Variants in VRTN observed in about 807,000 individuals in gnomAD.
VRTN encodes vertnin.
In VRTN, 5 loss-of-function variants were observed where a neutral mutation model predicts 18.2. The ratio of observed to expected loss-of-function variants is 0.27; its 90% CI spans 0.14 to 0.58. VRTN has a LOEUF of 0.58. VRTN is among the 20% of genes least tolerant of loss of function. The pLI is 0.91. For missense variants in VRTN, 741 were observed against 939.4 expected, an observed-to-expected ratio of 0.79 and a Z score of 2.76; for synonymous variants, 381 against 393.7, an observed-to-expected ratio of 0.97 and a Z score of 0.38.
chr14:74,307,514 C>T (rs1035394677), intron 1 of VRTN, among the ~76,000 whole-genome samples: 4 of 151,950 alleles, frequency 2.6e-5, no homozygotes, highest in Non-Finnish European at 4.4e-5. Context: ...AATTTCAATT[C>T]AGCTTTCACA....
In VRTN at chr14:74,357,365, C is replaced by G; in HGVS notation, c.582C>G (p.Arg194=). ...QRNIYSIYPM[R]NLKIRPYFNR... Reference sequence around the variant, plus strand: ...ACATCTACTCCATCTACCCCATGCGCAACCTCAAGATCCGGCCCTACTTCA... The same window carrying G: ...ACATCTACTCCATCTACCCCATGCGGAACCTCAAGATCCGGCCCTACTTCA... Residue 194 remains arginine, a synonymous_variant, in exon 2 of 2, where the codon CGC becomes CGG. Transcript: ENST00000256362. The surrounding 1 kb of genome is among the most constrained non-coding windows in gnomAD (Gnocchi z 7.8). 6.2e-7 allele frequency: 1 copy of G among 1,614,060 alleles called. No homozygotes were observed. Among genetic ancestry groups the G allele is most frequent in the Non-Finnish European group, 8.5e-7 (1 of 1,180,038 alleles).
intron 1 of VRTN, among the ~76,000 whole-genome samples, chr14:74,330,228 G>A (rs996510042): frequency 6.6e-6 from 1 of 151,936 alleles, no homozygotes; most frequent in Non-Finnish European, 1.5e-5. Context: ...GCCAAGTTGG[G>A]AAACACTTTT....
At chr14:74,354,256 A>G (rs2085707745) in intron 1 of VRTN, among the ~76,000 whole-genome samples, 1 of 152,178 alleles carries the variant, frequency 6.6e-6, no homozygotes, top group African/African-American at 2.4e-5. Flanking sequence ...ATATAGATGG[A>G]AAAAGGAGGA....
rs369068737 is a variant in VRTN at position 74,329,419 on chromosome 14, TTTTG to T, written c.-163-8284_-163-8281del. On this transcript the variant is annotated intron_variant, in intron 1 of 2. Coordinates refer to the VRTN transcript ENST00000557177. ...GCGTGCCACCACGAATAGCTAGTGG[TTTTG>T]TTTGTTTGTTTGTTTGTTTTTGTAG... 5.0e-3 allele frequency among the ~76,000 whole-genome samples: 751 copies of T among 151,324 alleles called. 3 individuals are homozygous for T. The highest frequency in any genetic ancestry group is 0.017 in the African/African-American group (693 of 41,246).
chr14:74,339,958 T>TG (rs2085589899), intron 2 of VRTN, among the ~76,000 whole-genome samples: 1 of 152,128 alleles, frequency 6.6e-6, no homozygotes, highest in Non-Finnish European at 1.5e-5. Flanking sequence ...TTTTTTGAGA[T>TG]GGAGTCTCAC....
upstream of VRTN, among the ~76,000 whole-genome samples, chr14:74,344,112 A>G (rs987107656): frequency 2.6e-5 from 4 of 151,190 alleles, 1 homozygote; most frequent in South Asian, 8.4e-4. Flanking sequence ...TTTAACTTTA[A>G]AAAATGTGTT....
chr14:74,335,392 G>A (rs2085557033), intron 1 of VRTN, among the ~76,000 whole-genome samples: 2 of 152,302 alleles, frequency 1.3e-5, no homozygotes, highest in Admixed American at 6.5e-5. Flanking sequence ...TAGGTCTAGA[G>A]GTGTCAACGT....
At chr14:74,322,600 C>T (rs2085463389) in intron 1 of VRTN, among the ~76,000 whole-genome samples, 1 of 152,170 alleles carries the variant, frequency 6.6e-6, no homozygotes, top group Non-Finnish European at 1.5e-5. Flanking sequence ...TGACTGCTCC[C>T]ACCCTGTCCC....
At chr14:74,319,322 G>A (rs368045025) in intron 1 of VRTN, among the ~76,000 whole-genome samples, 15 of 152,238 alleles carry the variant, frequency 9.9e-5, no homozygotes, top group African/African-American at 2.9e-4. Context: ...GCATGAGCCC[G>A]GCCCGCGCCT....
intron 1 of VRTN, among the ~76,000 whole-genome samples, chr14:74,334,878 T>G (rs553193637): frequency 6.6e-6 from 1 of 152,122 alleles, no homozygotes; most frequent in South Asian, 2.1e-4. Flanking sequence ...TGGCAGTAGA[T>G]AAGAGTAGCA....
intron 1 of VRTN, among the ~76,000 whole-genome samples, chr14:74,332,457 C>T (rs1038426008): frequency 1.4e-5 from 2 of 146,808 alleles, no homozygotes; most frequent in Non-Finnish European, 3.0e-5. Flanking sequence ...CGGGTTCAAG[C>T]GATTCTCCTG....
chr14:74,303,572 A>T (rs533441556), intron 1 of VRTN, among the ~76,000 whole-genome samples: 1 of 152,254 alleles, frequency 6.6e-6, no homozygotes, highest in Non-Finnish European at 1.5e-5. Context: ...AATAGATGAT[A>T]ATGATCGATA....
At chr14:74,332,192 C>T (rs946961470) in intron 1 of VRTN, among the ~76,000 whole-genome samples, 7 of 152,020 alleles carry the variant, frequency 4.6e-5, no homozygotes, top group South Asian at 2.1e-4. Context: ...AGGACCCCTC[C>T]CAAACCTACT....
intron 1 of VRTN, among the ~76,000 whole-genome samples, chr14:74,314,334 T>C (rs943532230): frequency 5.3e-5 from 8 of 151,790 alleles, no homozygotes; most frequent in Non-Finnish European, 8.8e-5. Context: ...AATTGTGTAA[T>C]TGTATGTGAC....
intron 2 of VRTN, among the ~76,000 whole-genome samples, chr14:74,342,980 A>G (rs2085618147): frequency 6.6e-6 from 1 of 152,166 alleles, no homozygotes; most frequent in Non-Finnish European, 1.5e-5. Context: ...AATTAAAACT[A>G]TACTGAGAAA....
chr14:74,358,967 C>G lies in VRTN; in HGVS notation c.*75C>G. 6.6e-7 allele frequency: 1 copy of G among 1,508,486 alleles called. No homozygotes were observed. The highest frequency in any genetic ancestry group is 8.9e-7 in the Non-Finnish European group (1 of 1,128,246). 93.4% of individuals were successfully genotyped at this position (1,508,486 alleles called of 1,614,324 possible). ...GTCAGGGACCTGAGCTGACCCCAGG[C>G]TTGGCCAGGATGTCCTTTGCTCTGG... On this transcript the variant is annotated 3_prime_UTR_variant, in exon 2 of 2. Coordinates refer to ENST00000256362, the MANE Select transcript of VRTN (RefSeq NM_018228.3). This position sits in a 1 kb window ranked among gnomAD's most constrained non-coding sequence, Gnocchi z 5.4.
intron 1 of VRTN, among the ~76,000 whole-genome samples, chr14:74,325,967 C>T (rs2140199063): frequency 6.6e-6 from 1 of 152,250 alleles, no homozygotes; most frequent in African/African-American, 2.4e-5. Context: ...GACATCAACT[C>T]AGAATTTAAT....
chr14:74,358,873 T>A lies in VRTN; in HGVS notation c.2090T>A (p.Leu697Gln). Reference sequence around the variant, plus strand: ...TGGAAGCGAGCCCTCTATGACGGCCTGACCCTGGTAGATGGCTGACAGGGA... The same window carrying A: ...TGGAAGCGAGCCCTCTATGACGGCCAGACCCTGGTAGATGGCTGACAGGGA... ...YMWKRALYDG[L>Q]TLVDG The change falls in exon 2 of 2, where the codon CTG becomes CAG. Residue 697 changes from leucine to glutamine, a missense_variant. By Grantham distance (113) the Leu-to-Gln change is moderately radical. Coordinates refer to ENST00000256362, the MANE Select transcript of VRTN (RefSeq NM_018228.3). The surrounding 1 kb of genome is among the most constrained non-coding windows in gnomAD (Gnocchi z 5.4). 1 of 1,610,390 alleles carries A rather than the reference T, an allele frequency of 6.2e-7. No homozygotes were observed. The highest frequency in any genetic ancestry group is 8.5e-7 in the Non-Finnish European group (1 of 1,177,566).
At chr14:74,315,492 A>G (rs1210024778) in intron 1 of VRTN, among the ~76,000 whole-genome samples, 1 of 152,208 alleles carries the variant, frequency 6.6e-6, no homozygotes, top group African/African-American at 2.4e-5. Flanking sequence ...TGAGGCCAAG[A>G]GTTTGAGATC....
Sources: allele counts gnomAD v4.1 joint callset (sites outside exome capture counted in the v4.1 genomes callset), GRCh38; gene constraint gnomAD v4.1.1; non-coding constraint Gnocchi (gnomAD v3.1); transcripts MANE v1.5; gene names NCBI Gene and HGNC (gene_info 2026-07-23, HGNC 2026-07-21).